TAF12: variants seen among roughly 807,000 people sequenced by gnomAD.
The protein encoded by TAF12 is transcription initiation factor TFIID subunit 12.
A neutral mutation model predicts 20.8 loss-of-function variants in TAF12; 3 were observed. The ratio of observed to expected loss-of-function variants is 0.14; its 90% CI spans 0.07 to 0.37. The LOEUF is 0.37. TAF12 is among the 10% of genes least tolerant of loss of function. The pLI, the probability that TAF12 is intolerant of heterozygous loss-of-function variation, is 1.00. For synonymous variants in TAF12, 69 were observed against 70.2 expected, an observed-to-expected ratio of 0.98 and a Z score of 0.09; for missense variants, 131 against 197.9, an observed-to-expected ratio of 0.66 and a Z score of 2.03.
Position 28,603,469 on chromosome 1 carries a change from T to A in TAF12, c.*70A>T. The A allele has an allele frequency of 6.5e-7, 1 of 1,535,194 alleles. No individual in the cohort carries two copies. Among genetic ancestry groups the A allele is most frequent in the Admixed American group, 1.8e-5 (1 of 57,008 alleles). On this transcript the variant is annotated 3_prime_UTR_variant, in exon 6 of 6. Coordinates refer to ENST00000373824, the MANE Select transcript of TAF12 (RefSeq NM_005644.4). ...AGCATTAAAAAAAAAAATCCAAGGA[T>A]GAGATGGCTGAGTTCTCAGCTCAAG...
intron 4 of TAF12, among the ~76,000 whole-genome samples, chr1:28,610,530 G>A (rs1439002785): frequency 2.0e-5 from 3 of 152,154 alleles, no homozygotes; most frequent in Non-Finnish European, 4.4e-5. Context: ...AACCAGGCTA[G>A]TCTTGAACTC....
chr1:28,622,169 G>C lies in TAF12; in HGVS notation c.-84-4C>G. ...TGTGAGGACCAAGGCCAATTAACTG[G>C]AGAAGAAAAGCACAAGAATTAGCTC... On this transcript the variant is annotated splice_region_variant and splice_polypyrimidine_tract_variant and intron_variant, in intron 1 of 5. Coordinates refer to ENST00000373824, the MANE Select transcript of TAF12 (RefSeq NM_005644.4). 1.3e-6 allele frequency: 2 copies of C among 1,505,416 alleles called. No individual in the cohort carries two copies. The highest frequency in any genetic ancestry group is 8.8e-7 in the Non-Finnish European group (1 of 1,133,368). The allele number at this position is 1,505,416 out of a possible 1,614,324, so 93.3% of individuals were successfully genotyped here. A position where few individuals can be genotyped will look rare whatever the true frequency, so the allele number is the denominator to read the frequency against.
chr1:28,605,464 C>T lies in TAF12; in HGVS notation c.362-4G>A. 6.2e-7 allele frequency: 1 copy of T among 1,613,954 alleles called. No homozygotes were observed. Among genetic ancestry groups the T allele is most frequent in the South Asian group, 1.1e-5 (1 of 91,078 alleles). On this transcript the variant is annotated splice_region_variant and splice_polypyrimidine_tract_variant and intron_variant, in intron 4 of 5. Transcript: ENST00000373824. ...ATCCACATGTTCCACTGGCGCTCTG[C>T]AAGGAAGAAGCCAGCACAGAGATAA...
chr1:28,610,949 G>A (rs1395747895), intron 4 of TAF12, among the ~76,000 whole-genome samples: 1 of 124,098 alleles, frequency 8.1e-6, no homozygotes. Context: ...AACAGAGTGA[G>A]ACTGTCTCAA....
At chr1:28,625,537 ATTT>A (rs753920655) in intron 1 of TAF12, among the ~76,000 whole-genome samples, 4 of 133,424 alleles carry the variant, frequency 3.0e-5, no homozygotes, top group Admixed American at 7.6e-5. Flanking sequence ...CACCCAGCTA[ATTT>A]TTTTTTTTTT....
At chr1:28,628,230 G>GC (rs1553129137) in intron 1 of TAF12, among the ~76,000 whole-genome samples, 2 of 74,318 alleles carry the variant, frequency 2.7e-5, no homozygotes, top group East Asian at 9.1e-4. Context: ...GCAGGGGGTG[G>GC]GGGGGGGGGG....
intron 4 of TAF12, among the ~76,000 whole-genome samples, chr1:28,609,479 C>A (rs1181772517): frequency 6.6e-6 from 1 of 151,470 alleles, no homozygotes; most frequent in Non-Finnish European, 1.5e-5. Context: ...TAAATTATCT[C>A]ATTTAACTTT....
chr1:28,606,335 C>T (rs977527099), intron 4 of TAF12, among the ~76,000 whole-genome samples: 6 of 151,888 alleles, frequency 4.0e-5, no homozygotes, highest in African/African-American at 1.2e-4. Context: ...AACGGGGTTT[C>T]ACCATGTTAG....
intron 1 of TAF12, among the ~76,000 whole-genome samples, chr1:28,628,932 C>A (rs553346953): frequency 6.6e-6 from 1 of 152,178 alleles, no homozygotes; most frequent in Non-Finnish European, 1.5e-5. Context: ...ATTAACCAGG[C>A]GCGTTGGCGG....
chr1:28,638,868 T>G (rs1667934032), intron 1 of TAF12, among the ~76,000 whole-genome samples: 1 of 146,188 alleles, frequency 6.8e-6, no homozygotes, highest in Non-Finnish European at 1.5e-5. Flanking sequence ...CTCTGCTCAC[T>G]GCAAGCTCCA....
upstream of TAF12, among the ~76,000 whole-genome samples, chr1:28,645,687 C>G (rs1270601585): frequency 6.9e-6 from 1 of 144,422 alleles, no homozygotes; most frequent in Non-Finnish European, 1.5e-5. Context: ...CAGATAAGGC[C>G]AGGCCAGGCA....
chr1:28,622,955 A>G (rs771022664), intron 1 of TAF12, among the ~76,000 whole-genome samples: 3 of 145,924 alleles, frequency 2.1e-5, no homozygotes, highest in Non-Finnish European at 3.1e-5. Context: ...TGAACACAGG[A>G]GACAGAGCTT....
intron 3 of TAF12, among the ~76,000 whole-genome samples, chr1:28,614,103 T>C (rs4252988): frequency 1.6e-3 from 250 of 151,892 alleles, no homozygotes; most frequent in Middle Eastern, 3.4e-3. Flanking sequence ...CTGGGCGTGG[T>C]GGCACGTGCC....
intron 1 of TAF12, among the ~76,000 whole-genome samples, chr1:28,622,518 T>A (rs887211580): frequency 6.6e-6 from 1 of 152,166 alleles, no homozygotes; most frequent in Non-Finnish European, 1.5e-5. Flanking sequence ...AACCATCTCA[T>A]TTCCAAATAT....
At chr1:28,647,019 A>C (rs1293334363), upstream of TAF12, among the ~76,000 whole-genome samples, 2 of 152,024 alleles carry the variant, frequency 1.3e-5, no homozygotes, top group African/African-American at 4.8e-5. Context: ...TTTTTAATAG[A>C]GACAGGGTTT....
At chr1:28,620,500 A>ATC (rs1667186348) in intron 2 of TAF12, among the ~76,000 whole-genome samples, 1 of 151,564 alleles carries the variant, frequency 6.6e-6, no homozygotes, top group South Asian at 2.1e-4. Flanking sequence ...CAGTGGCGCA[A>ATC]TCTCTGCTCA....
upstream of TAF12, among the ~76,000 whole-genome samples, chr1:28,644,864 A>T (rs1326247323): frequency 6.6e-6 from 1 of 152,166 alleles, no homozygotes; most frequent in African/African-American, 2.4e-5. Flanking sequence ...TATATTCAGT[A>T]TGCAATGGGA....
At chr1:28,635,902 A>C (rs768938247) in intron 1 of TAF12, among the ~76,000 whole-genome samples, 1 of 152,018 alleles carries the variant, frequency 6.6e-6, no homozygotes, top group Non-Finnish European at 1.5e-5. Context: ...TTTACCTCTG[A>C]AATGTTTAGT....
At chr1:28,631,679 T>A (rs1354755468) in intron 1 of TAF12, among the ~76,000 whole-genome samples, 1 of 152,120 alleles carries the variant, frequency 6.6e-6, no homozygotes, top group Non-Finnish European at 1.5e-5. Flanking sequence ...TTATTTATTT[T>A]AAAGGGCAAA....
Sources: gnomAD v4.1 joint callset for allele counts (sites outside exome capture counted in the v4.1 genomes callset) on GRCh38, gnomAD v4.1.1 for gene constraint, MANE v1.5 for transcripts, NCBI Gene and HGNC (gene_info 2026-07-23, HGNC 2026-07-21) for gene names.